The following ASAP2 variants were observed in gnomAD, a reference collection of about 807,000 sequenced individuals.
ASAP2 encodes the protein ArfGAP with SH3 domain, ankyrin repeat and PH domain 2.
ASAP2 carries 45 observed loss-of-function variants against 131.4 expected under a neutral mutation model. That is an observed-to-expected ratio of 0.34 (90% CI 0.27 to 0.44). The LOEUF (loss-of-function observed/expected upper bound fraction) is 0.44, where lower values mean the gene tolerates loss of function less well. Among genes scored for constraint, ASAP2 ranks in the 20% least tolerant of loss-of-function variants. ASAP2 has a pLI of 1.00. For missense variants in ASAP2, 1,011 were observed against 1,297.0 expected (o/e 0.78, Z 3.39); for synonymous variants, 510 against 503.0 (o/e 1.01, Z -0.19).
chr2:9,284,369 TGTTGATCTTTTCTCA>T (rs1166902293), intron 2 of ASAP2, among the ~76,000 whole-genome samples: 47 of 152,312 alleles, frequency 3.1e-4, no homozygotes, highest in Middle Eastern at 3.4e-3. Context: ...GTTTTGTATC[TGTTGATCTTTTCTCA>T]GTTAATTAGA....
At chr2:9,251,754 C>T (rs1170214554) in intron 1 of ASAP2, among the ~76,000 whole-genome samples, 8 of 151,706 alleles carry the variant, frequency 5.3e-5, no homozygotes, top group African/African-American at 1.9e-4. Flanking sequence ...AAATGGAATG[C>T]CTTCAGGAAT....
At chr2:9,318,654 G>A (rs1019951054) in intron 4 of ASAP2, 56 bp downstream of exon 4, 14 of 1,309,098 alleles carry the variant, frequency 1.1e-5, no homozygotes, top group Non-Finnish European at 1.5e-5. Context: ...TAGAGTCACA[G>A]TAGCTTGGCC....
intron 1 of ASAP2, among the ~76,000 whole-genome samples, chr2:9,220,399 C>T (rs1156604223): frequency 6.6e-6 from 1 of 152,128 alleles, no homozygotes; most frequent in Admixed American, 6.6e-5. Flanking sequence ...TTATGTTTGT[C>T]TTTTTTATTA....
intron 1 of ASAP2, among the ~76,000 whole-genome samples, chr2:9,267,764 A>G (rs1218260593): frequency 6.6e-6 from 1 of 151,910 alleles, no homozygotes; most frequent in African/African-American, 2.4e-5. Flanking sequence ...TGGGCGTAGT[A>G]GTGCACACCT....
chr2:9,343,883 A>G lies in ASAP2; in HGVS notation c.850-649A>G, dbSNP rs77984995. ...GAATTTCCCAACTGTGGTAGATTCA[A>G]TCAGATTCTCAGCTGACCATGTGGA... On this transcript the variant is annotated intron_variant, in intron 9 of 27. Coordinates refer to ENST00000281419, the MANE Select transcript of ASAP2 (RefSeq NM_003887.3). Among the ~76,000 whole-genome samples, 7 of 152,366 alleles carry G rather than the reference A, an allele frequency of 4.6e-5. No individual in the cohort carries two copies. In the South Asian group the frequency reaches 6.2e-4, roughly 14 times the overall value.
intron 1 of ASAP2, chr2:9,271,353 T>C: frequency 8.5e-7 from 1 of 1,169,828 alleles, no homozygotes; most frequent in African/African-American, 1.5e-5. Context: ...TGGCATAATA[T>C]ATGTTCTTGC....
intron 1 of ASAP2, among the ~76,000 whole-genome samples, chr2:9,255,504 A>G (rs1201582345): frequency 6.6e-6 from 1 of 152,240 alleles, no homozygotes; most frequent in African/African-American, 2.4e-5. Context: ...CCTTGTTACT[A>G]TGGAATGGTT....
chr2:9,374,687 G>T, intron 16 of ASAP2, 68 bp from the exon 17 acceptor site: 1 of 1,459,550 alleles, frequency 6.9e-7, no homozygotes, highest in South Asian at 1.3e-5. Context: ...CATGGCCTTA[G>T]ACAAAGGGAG....
At chr2:9,212,044 C>G (rs1328586693) in intron 1 of ASAP2, among the ~76,000 whole-genome samples, 1 of 151,848 alleles carries the variant, frequency 6.6e-6, no homozygotes, top group Non-Finnish European at 1.5e-5. Flanking sequence ...CCTCCCTGCC[C>G]CCTGGTGAAT....
chr2:9,206,822 G>C lies in ASAP2; in HGVS notation c.-283G>C, dbSNP rs1270586122. The stretch of plus-strand genomic sequence containing the variant: ...GGCTGGGTGGCGGGTAGTTCCCGCC[G>C]GCTGTGCGCGCCCGCCTCGGGGCTC... On this transcript the variant is annotated 5_prime_UTR_variant, in exon 1 of 28. Coordinates refer to ENST00000281419, the MANE Select transcript of ASAP2 (RefSeq NM_003887.3). The surrounding 1 kb of genome is among the most constrained non-coding windows in gnomAD (Gnocchi z 4.0). 1.4e-5 allele frequency: 2 copies of C among 147,430 alleles called. No individual in the cohort carries two copies. Among genetic ancestry groups the C allele is most frequent in the East Asian group, 2.0e-4 (1 of 5,066 alleles). 9.1% of individuals were successfully genotyped at this position (147,430 alleles called of 1,614,324 possible).
rs147362303 is a variant in ASAP2 at position 9,352,904 on chromosome 2, C to G, written c.1111+2009C>G. ...TCATCTTTGAAAAGAGCTCTCATCC[C>G]TCCTCCTTCCCTGCTTGTCTTCCAG... On this transcript the variant is annotated intron_variant, in intron 12 of 27. Transcript: ENST00000281419. Among the ~76,000 whole-genome samples, 4 of 152,296 alleles carry G rather than the reference C, an allele frequency of 2.6e-5. No homozygotes were observed. The East Asian group carries it at 7.7e-4, about 29-fold the overall frequency.
chr2:9,225,963 C>T (rs1572197214), intron 1 of ASAP2, among the ~76,000 whole-genome samples: 2 of 152,280 alleles, frequency 1.3e-5, no homozygotes, highest in South Asian at 2.1e-4. Context: ...GTGGGTTCTG[C>T]GGAGTTCCTG....
rs181186648 is a variant in ASAP2, at chr2:9,362,453, A to G, written c.1461+3564A>G. Reference sequence around the variant, plus strand: ...TTTATAGTGTACAACATGATGTTTTAGTATGTTGTATACATTGGGTGTGAC... The same window carrying G: ...TTTATAGTGTACAACATGATGTTTTGGTATGTTGTATACATTGGGTGTGAC... On this transcript the variant is annotated intron_variant, in intron 15 of 27. Coordinates refer to ENST00000281419, the MANE Select transcript of ASAP2 (RefSeq NM_003887.3). 1.3e-3 allele frequency among the ~76,000 whole-genome samples: 191 copies of G among 152,302 alleles called. 2 individuals carry two copies. The highest frequency in any genetic ancestry group is 0.012 in the Admixed American group (190 of 15,296).
At chr2:9,300,972 G>A (rs953206360) in intron 3 of ASAP2, among the ~76,000 whole-genome samples, 3 of 152,238 alleles carry the variant, frequency 2.0e-5, no homozygotes, top group Admixed American at 1.3e-4. Context: ...GGCCAGCGCC[G>A]GTGTGGAAGC....
intron 19 of ASAP2, among the ~76,000 whole-genome samples, chr2:9,380,019 CT>C (rs1674709572): frequency 6.6e-6 from 1 of 151,212 alleles, no homozygotes; most frequent in African/African-American, 2.4e-5. Flanking sequence ...AAAGTATATA[CT>C]TTCAGGGTTT....
intron 5 of ASAP2, among the ~76,000 whole-genome samples, chr2:9,322,638 G>A (rs910264827): frequency 1.3e-5 from 2 of 152,178 alleles, no homozygotes; most frequent in African/African-American, 4.8e-5. Context: ...TAATTAAGCC[G>A]ACAGCATGGA....
At chr2:9,346,850 C>T (rs1024428145) in intron 11 of ASAP2, among the ~76,000 whole-genome samples, 2 of 152,264 alleles carry the variant, frequency 1.3e-5, no homozygotes, top group African/African-American at 4.8e-5. Flanking sequence ...ATAAACTTCA[C>T]TTCGAGTCAC....
At chr2:9,229,915 G>A (rs1663040341) in intron 1 of ASAP2, among the ~76,000 whole-genome samples, 1 of 152,182 alleles carries the variant, frequency 6.6e-6, no homozygotes, top group Non-Finnish European at 1.5e-5. Context: ...GCTGATTTCT[G>A]CAGCCCTGGC....
At chr2:9,287,367 T>C (rs1667532446) in intron 2 of ASAP2, among the ~76,000 whole-genome samples, 1 of 152,240 alleles carries the variant, frequency 6.6e-6, no homozygotes, top group Non-Finnish European at 1.5e-5. Flanking sequence ...TTGGTGCTTA[T>C]AAATAAGGTT....
Sources: gnomAD v4.1 joint callset for allele counts (sites outside exome capture counted in the v4.1 genomes callset) on GRCh38, gnomAD v4.1.1 for gene constraint, Gnocchi (gnomAD v3.1) non-coding constraint, MANE v1.5 for transcripts, NCBI Gene and HGNC (gene_info 2026-07-23, HGNC 2026-07-21) for gene names.